Variants in DRC11 observed in about 807,000 individuals in gnomAD.
DRC11 encodes IQ and AAA domain-containing protein 1.
the DRC11 span, chr2:236,344,493 G>C: frequency 9.0e-7 from 1 of 1,113,208 alleles, no homozygotes; most frequent in African/African-American, 1.5e-5. Context: ...GTAGAGGTAG[G>C]CCTTGGTAAG....
the DRC11 span, among the ~76,000 whole-genome samples, chr2:236,495,578 G>T: frequency 1.2e-4 from 19 of 152,126 alleles, no homozygotes; most frequent in East Asian, 1.5e-3. This position sits in a 1 kb window ranked among gnomAD's most constrained non-coding sequence, Gnocchi z 5.6. Context: ...ATTAGGAAAG[G>T]TTCCTCACAT....
At chr2:236,385,198 A>G in the DRC11 span, among the ~76,000 whole-genome samples, 2 of 151,088 alleles carry the variant, frequency 1.3e-5, no homozygotes, top group Non-Finnish European at 3.0e-5. Flanking sequence ...TTCTGTGAAG[A>G]AAGTCATTGG....
the DRC11 span, among the ~76,000 whole-genome samples, chr2:236,357,794 A>C: frequency 8.9e-5 from 11 of 123,760 alleles, no homozygotes; most frequent in African/African-American, 2.9e-4. Context: ...ATATATACAT[A>C]TACTATATAA....
chr2:236,354,207 AATGT>A, the DRC11 span, among the ~76,000 whole-genome samples: 2 of 69,590 alleles, frequency 2.9e-5, no homozygotes, highest in Admixed American at 1.2e-4. Flanking sequence ...TGTGTGTGTC[AATGT>A]ATGTGTGTGC....
At chr2:236,431,638 C>T in the DRC11 span, among the ~76,000 whole-genome samples, 1 of 152,236 alleles carries the variant, frequency 6.6e-6, no homozygotes, top group East Asian at 1.9e-4. This position sits in a 1 kb window ranked among gnomAD's most constrained non-coding sequence, Gnocchi z 4.2. Flanking sequence ...TTTTTCTAGA[C>T]ATTTCATATA....
At chr2:236,412,549 G>A in the DRC11 span, 1 of 152,226 alleles carries the variant, frequency 6.6e-6, no homozygotes, top group Non-Finnish European at 1.5e-5. Context: ...ACAATGGTTT[G>A]ACTCAATAGC....
the DRC11 span, among the ~76,000 whole-genome samples, chr2:236,446,067 T>G: frequency 6.6e-6 from 1 of 152,148 alleles, no homozygotes; most frequent in Non-Finnish European, 1.5e-5. The surrounding 1 kb of genome is among the most constrained non-coding windows in gnomAD (Gnocchi z 6.2). Flanking sequence ...GAGTTCTATT[T>G]TATATTCCTG....
At chr2:236,328,528 GTC>G in the DRC11 span, among the ~76,000 whole-genome samples, 1 of 151,948 alleles carries the variant, frequency 6.6e-6, no homozygotes, top group Admixed American at 6.6e-5. The surrounding 1 kb of genome is among the most constrained non-coding windows in gnomAD (Gnocchi z 6.7). Context: ...CCAGCATTCT[GTC>G]TCTCATGGGC....
the DRC11 span, chr2:236,497,426 G>C: frequency 6.4e-5 from 104 of 1,613,732 alleles, no homozygotes; most frequent in South Asian, 1.1e-3. This position sits in a 1 kb window ranked among gnomAD's most constrained non-coding sequence, Gnocchi z 5.1. Flanking sequence ...ATCTTCTGAG[G>C]CTCTTTATCG....
the DRC11 span, among the ~76,000 whole-genome samples, chr2:236,491,587 C>A: frequency 6.6e-6 from 1 of 152,068 alleles, no homozygotes; most frequent in East Asian, 1.9e-4. Flanking sequence ...CATTTTCCAA[C>A]ACAAAATCTT....
chr2:236,393,539 G>A, the DRC11 span, among the ~76,000 whole-genome samples: 1 of 152,172 alleles, frequency 6.6e-6, no homozygotes, highest in African/African-American at 2.4e-5. The surrounding 1 kb of genome is among the most constrained non-coding windows in gnomAD (Gnocchi z 4.7). Flanking sequence ...GCCATCAAAC[G>A]TGAAGACCTA....
At chr2:236,388,974 G>A in the DRC11 span, among the ~76,000 whole-genome samples, 32 of 151,870 alleles carry the variant, frequency 2.1e-4, no homozygotes, top group South Asian at 8.4e-4. Context: ...TAGGCTGCTC[G>A]GGGGTCAGGG....
At chr2:236,320,969 G>A in the DRC11 span, among the ~76,000 whole-genome samples, 8 of 152,088 alleles carry the variant, frequency 5.3e-5, no homozygotes, top group Non-Finnish European at 1.0e-4. Flanking sequence ...GGTTTTCAGC[G>A]TGGATGGCCA....
the DRC11 span, among the ~76,000 whole-genome samples, chr2:236,397,865 C>T: frequency 1.8e-3 from 271 of 152,328 alleles, 2 homozygotes; most frequent in African/African-American, 5.9e-3. This position sits in a 1 kb window ranked among gnomAD's most constrained non-coding sequence, Gnocchi z 5.0. Context: ...ACTGTAATCC[C>T]CAACATATAA....
At chr2:236,460,908 C>T in the DRC11 span, among the ~76,000 whole-genome samples, 1 of 152,126 alleles carries the variant, frequency 6.6e-6, no homozygotes, top group African/African-American at 2.4e-5. The surrounding 1 kb of genome is among the most constrained non-coding windows in gnomAD (Gnocchi z 4.0). Flanking sequence ...GCGTCCGCCA[C>T]CATGTCAAGC....
At chr2:236,386,611 C>A in the DRC11 span, among the ~76,000 whole-genome samples, 7 of 152,116 alleles carry the variant, frequency 4.6e-5, no homozygotes, top group Non-Finnish European at 8.8e-5. Flanking sequence ...TTCAAAAAAC[C>A]AGCTCCTGGA....
chr2:236,379,289 G>A, the DRC11 span, among the ~76,000 whole-genome samples: 1 of 132,784 alleles, frequency 7.5e-6, no homozygotes, highest in East Asian at 2.0e-4. Context: ...AGGACCAAGG[G>A]GAGGGAACCC....
At chr2:236,412,495 A>G in the DRC11 span, 5 of 152,214 alleles carry the variant, frequency 3.3e-5, no homozygotes, top group Non-Finnish European at 1.5e-5. Context: ...ACTGGTCTTT[A>G]TCTCTCCTGA....
the DRC11 span, among the ~76,000 whole-genome samples, chr2:236,462,021 G>A: frequency 6.6e-6 from 1 of 152,106 alleles, no homozygotes; most frequent in South Asian, 2.1e-4. The surrounding 1 kb of genome is among the most constrained non-coding windows in gnomAD (Gnocchi z 6.4). Flanking sequence ...GAGCCCTTGG[G>A]CCCCATCCTG....
Sources: allele counts gnomAD v4.1 joint callset (sites outside exome capture counted in the v4.1 genomes callset), GRCh38; gene constraint gnomAD v4.1.1; non-coding constraint Gnocchi (gnomAD v3.1); transcripts MANE v1.5; gene names NCBI Gene and HGNC (gene_info 2026-07-23, HGNC 2026-07-21).